SINHCAF: variants seen among roughly 807,000 people sequenced by gnomAD.
SINHCAF encodes SIN3-HDAC complex associated factor.
SINHCAF carries 3 observed loss-of-function variants against 25.8 expected under a neutral mutation model. The observed-to-expected ratio is 0.12, with a 90% confidence interval of 0.05 to 0.30. The LOEUF is 0.30. SINHCAF is among the 10% of genes least tolerant of loss of function. The pLI, the probability that SINHCAF is intolerant of heterozygous loss-of-function variation, is 1.00. For missense variants in SINHCAF, 121 were observed against 262.3 expected, an observed-to-expected ratio of 0.46 and a Z score of 3.72; for synonymous variants, 70 against 85.5, an observed-to-expected ratio of 0.82 and a Z score of 1.00.
chr12:31,284,223 T>C (rs1324896679), intron 5 of SINHCAF, among the ~76,000 whole-genome samples: 1 of 152,232 alleles, frequency 6.6e-6, no homozygotes, highest in Non-Finnish European at 1.5e-5. Context: ...GACTTTATTT[T>C]AGTTTTTTCA....
Position 31,287,716 on chromosome 12 carries a change from C to G in SINHCAF, c.424G>C (p.Asp142His). 6.2e-7 allele frequency: 1 copy of G among 1,611,722 alleles called. No homozygotes were observed. The highest frequency in any genetic ancestry group is 8.5e-7 in the Non-Finnish European group (1 of 1,178,824). ...AQSPCYSNQS[D>H]DGSDTEMASG... ...GCCATCTCTGTATCTGAGCCGTCATCTGACTGGTTACTGTAACAAGGAGAT... is the reference window on the plus strand; with the variant it reads ...GCCATCTCTGTATCTGAGCCGTCATGTGACTGGTTACTGTAACAAGGAGAT... Residue 142 changes from aspartate (D) to histidine (H), a missense_variant, in exon 5 of 6, where the codon GAT (aspartate) becomes CAT (histidine). Transcript: ENST00000337682.
chr12:31,311,622 G>A (rs1469455081), intron 1 of SINHCAF: 6 of 366,556 alleles, frequency 1.6e-5, no homozygotes, highest in South Asian at 4.8e-5. Context: ...CAAGCATGGC[G>A]GCTGCCAAGG....
At chr12:31,306,828 C>T (rs2137112206) in intron 1 of SINHCAF, among the ~76,000 whole-genome samples, 1 of 152,302 alleles carries the variant, frequency 6.6e-6, no homozygotes, top group East Asian at 1.9e-4. Context: ...TGCATAGGGG[C>T]ATAATTTTTG....
In SINHCAF at chr12:31,287,729, G is replaced by A. The variant is rs777123622; in HGVS notation, c.411C>T (p.Tyr137=). ...SSASPAQSPC[Y]SNQSDDGSDT... ...CTGAGCCGTCATCTGACTGGTTACT[G>A]TAACAAGGAGATTGAGCTGGGGAGG... is the stretch of plus-strand genomic sequence containing the variant. The change falls in exon 5 of 6, where the codon TAC becomes TAT. Residue 137 remains tyrosine, a synonymous_variant. Transcript: ENST00000337682. 2.5e-6 allele frequency: 4 copies of A among 1,611,316 alleles called. No homozygotes were observed. The highest frequency in any genetic ancestry group is 4.5e-5 in the East Asian group (2 of 44,856).
chr12:31,299,836 C>T (rs1382142935), intron 1 of SINHCAF, among the ~76,000 whole-genome samples: 2 of 152,140 alleles, frequency 1.3e-5, no homozygotes, highest in Non-Finnish European at 2.9e-5. Flanking sequence ...ATGGCAATAG[C>T]CTACAACACC....
chr12:31,283,891 C>CACACACACACACAG (rs1937922797), intron 5 of SINHCAF, among the ~76,000 whole-genome samples: 1 of 150,928 alleles, frequency 6.6e-6, no homozygotes, highest in Non-Finnish European at 1.5e-5. Flanking sequence ...CACACACACA[C>CACACACACACACAG]AGAATCACAA....
At chr12:31,284,436 T>C (rs971344720) in intron 5 of SINHCAF, among the ~76,000 whole-genome samples, 1 of 152,222 alleles carries the variant, frequency 6.6e-6, no homozygotes, top group Non-Finnish European at 1.5e-5. Context: ...GTCAGATATA[T>C]GTGCTGGATA....
At chr12:31,314,083 A>G (rs1217602693) in intron 1 of SINHCAF, among the ~76,000 whole-genome samples, 1 of 152,178 alleles carries the variant, frequency 6.6e-6, no homozygotes, top group Non-Finnish European at 1.5e-5. Context: ...TCACTTCTGA[A>G]CAAGAGGTTG....
At position 31,324,177 on chromosome 12, in the gene SINHCAF, C is replaced by A; in HGVS notation, c.-21+1847G>T. On this transcript the variant is annotated intron_variant, in intron 1 of 5. Transcript: ENST00000337682. This position sits in a 1 kb window ranked among gnomAD's most constrained non-coding sequence, Gnocchi z 5.5. ...GCCGGAACAACGGGCCCCGCGCCAG[C>A]CCGGCCCGGCGCCTCCCGCAGGCCG... 1 of 242,336 alleles carries A rather than the reference C, an allele frequency of 4.1e-6. No individual in the cohort carries two copies. Among genetic ancestry groups the A allele is most frequent in the South Asian group, 4.2e-5 (1 of 23,912 alleles). The allele number at this position is 242,336 out of a possible 1,614,324, so 15.0% of individuals were successfully genotyped here.
intron 1 of SINHCAF, among the ~76,000 whole-genome samples, chr12:31,305,663 G>A (rs1035190192): frequency 1.3e-5 from 2 of 151,040 alleles, no homozygotes; most frequent in African/African-American, 4.9e-5. Context: ...ACTAAGGGTG[G>A]TAGGCACAAT....
chr12:31,310,003 C>T (rs1377230855), intron 1 of SINHCAF, among the ~76,000 whole-genome samples: 3 of 152,078 alleles, frequency 2.0e-5, no homozygotes, highest in African/African-American at 2.4e-5. Context: ...TTTTGGTTTG[C>T]TTTCCCCAAT....
intron 1 of SINHCAF, among the ~76,000 whole-genome samples, chr12:31,301,728 C>T (rs1340674561): frequency 1.3e-5 from 2 of 151,486 alleles, no homozygotes; most frequent in Non-Finnish European, 2.9e-5. Flanking sequence ...CAAAAATCTA[C>T]AAACCCATGA....
chr12:31,299,761 C>T (rs968728512), intron 1 of SINHCAF, among the ~76,000 whole-genome samples: 14 of 152,194 alleles, frequency 9.2e-5, no homozygotes, highest in Admixed American at 9.2e-4. Flanking sequence ...ACAATGGGGA[C>T]ACATTCTGAG....
chr12:31,296,639 C>T (rs1938560359), intron 2 of SINHCAF, among the ~76,000 whole-genome samples: 1 of 151,846 alleles, frequency 6.6e-6, no homozygotes, highest in African/African-American at 2.4e-5. Flanking sequence ...GAGGCTGAGG[C>T]AGCCGGGAGT....
At chr12:31,297,192 A>G (rs560350826) in intron 2 of SINHCAF, 2 of 262,302 alleles carry the variant, frequency 7.6e-6, no homozygotes, top group African/African-American at 4.5e-5. Context: ...TGTGCCAACC[A>G]TGCATGCCTT....
rs191874481 is a variant in SINHCAF at position 31,311,530 on chromosome 12, G to A, written c.-20-13306C>T. 178 of 224,226 alleles carry A rather than the reference G, an allele frequency of 7.9e-4. 2 individuals are homozygous for A. In the South Asian group the frequency reaches 9.9e-3, roughly 12 times the overall value. The allele number at this position is 224,226 out of a possible 1,614,324, so 13.9% of individuals were successfully genotyped here. ...GACTCCAGGCAGGCCGGGCACACAC[G>A]CTGCTGGTACTGGAAGTGAACCACT... On this transcript the variant is annotated intron_variant, in intron 1 of 5. Transcript: ENST00000337682.
intron 3 of SINHCAF, among the ~76,000 whole-genome samples, chr12:31,294,286 T>C (rs553189366): frequency 6.6e-6 from 1 of 152,344 alleles, no homozygotes; most frequent in East Asian, 1.9e-4. Flanking sequence ...AAAGCTTTCA[T>C]ATACTTTTTA....
At chr12:31,303,195 G>C (rs1348315834) in intron 1 of SINHCAF, 1 of 985,420 alleles carries the variant, frequency 1.0e-6, no homozygotes, top group Non-Finnish European at 1.2e-6. Context: ...CAAATATTTA[G>C]AAGAGGCTGT....
chr12:31,286,052 G>C (rs1189695959), intron 5 of SINHCAF, among the ~76,000 whole-genome samples: 2 of 151,506 alleles, frequency 1.3e-5, no homozygotes, highest in African/African-American at 2.4e-5. Context: ...CTATGCACTA[G>C]GCACTGTTCT....
Sources: gnomAD v4.1 joint callset for allele counts (sites outside exome capture counted in the v4.1 genomes callset) on GRCh38, gnomAD v4.1.1 for gene constraint, Gnocchi (gnomAD v3.1) non-coding constraint, MANE v1.5 for transcripts, NCBI Gene and HGNC (gene_info 2026-07-23, HGNC 2026-07-21) for gene names.